The following FAM120A variants were observed in gnomAD, a reference collection of about 807,000 sequenced individuals.
FAM120A encodes the protein family with sequence similarity 120 member A, also known as constitutive coactivator of PPAR-gamma-like protein 1.
Under a neutral mutation model 109.7 loss-of-function variants are expected in FAM120A, and 15 were observed. The observed-to-expected ratio is 0.14, with a 90% CI of 0.09 to 0.21. The LOEUF (loss-of-function observed/expected upper bound fraction) is 0.21. FAM120A is among the 10% of genes least tolerant of loss of function. The probability of loss-of-function intolerance (pLI) is 1.00; values close to 1 mark genes in which losing one functional copy is unlikely to be tolerated. For missense variants in FAM120A, 899 were observed against 1,439.3 expected (o/e 0.62, Z 6.07); for synonymous variants, 493 against 572.8 (o/e 0.86, Z 1.99).
chr9:93,561,025 AAAG>A (rs1312031812), intron 15 of FAM120A, 81 bp from the exon 16 acceptor site: 11 of 1,491,586 alleles, frequency 7.4e-6, no homozygotes, highest in Non-Finnish European at 1.0e-5. Flanking sequence ...CCAAAACTGA[AAAG>A]AAGTTTCTTG....
chr9:93,510,342 C>T (rs4744251), intron 5 of FAM120A, among the ~76,000 whole-genome samples: 42,409 of 152,020 alleles, frequency 0.28, 6,966 homozygotes, highest in East Asian at 0.42. Context: ...GAACCTACAC[C>T]CTCCTTTGAG....
chr9:93,469,165 A>C (rs1193434437), intron 1 of FAM120A, among the ~76,000 whole-genome samples: 1 of 152,258 alleles, frequency 6.6e-6, no homozygotes, highest in African/African-American at 2.4e-5. Context: ...ACCGTGGGCC[A>C]GCAGCCCCTT....
intron 3 of FAM120A, among the ~76,000 whole-genome samples, chr9:93,486,523 CTTTTCTT>C (rs916899254): frequency 8.1e-5 from 12 of 148,578 alleles, no homozygotes; most frequent in African/African-American, 1.5e-4. Context: ...CTTTCTTTTT[CTTTTCTT>C]TTTTCTTTTT....
chr9:93,477,032 T>G (rs1858577992), intron 3 of FAM120A, among the ~76,000 whole-genome samples: 1 of 152,168 alleles, frequency 6.6e-6, no homozygotes, highest in Admixed American at 6.5e-5. Context: ...ATTTGTCAGT[T>G]CAAGTGCCTT....
intron 10 of FAM120A, among the ~76,000 whole-genome samples, chr9:93,534,712 G>A (rs1861450970): frequency 6.6e-6 from 1 of 152,194 alleles, no homozygotes; most frequent in African/African-American, 2.4e-5. Context: ...TTTAGTGGGG[G>A]AGAGGTGAGT....
intron 1 of FAM120A, among the ~76,000 whole-genome samples, chr9:93,457,706 A>G (rs1857612338): frequency 1.3e-5 from 2 of 152,212 alleles, no homozygotes; most frequent in Non-Finnish European, 2.9e-5. Context: ...AGCGAAGGAA[A>G]ACTTGGTTCT....
At chr9:93,552,897 ACTCTGTGGTTGGCCAT>A (rs1231956743) in intron 12 of FAM120A, among the ~76,000 whole-genome samples, 1 of 151,852 alleles carries the variant, frequency 6.6e-6, no homozygotes, top group Non-Finnish European at 1.5e-5. Flanking sequence ...TTTATCGTCC[ACTCTGTGGTTGGCCAT>A]CAGAGGAGGA....
At chr9:93,531,401 G>C (rs1861325990) in intron 9 of FAM120A, 1 of 152,206 alleles carries the variant, frequency 6.6e-6, no homozygotes, top group Non-Finnish European at 1.5e-5. Flanking sequence ...AAAATTTGTT[G>C]CATGATATCT....
chr9:93,560,873 C>A (rs1332791255), intron 15 of FAM120A, among the ~76,000 whole-genome samples: 1 of 152,196 alleles, frequency 6.6e-6, no homozygotes, highest in African/African-American at 2.4e-5. Context: ...ATCTAAAAAG[C>A]CTTGCACATT....
chr9:93,451,703 G>C lies in FAM120A; in HGVS notation c.-213G>C, dbSNP rs1857216510. Reference sequence around the variant, plus strand: ...CCTCGGCCTCGGCCTCGCAGCGGCGGCAGCGGCGGCGGCGGCAGGTCCCTC... The same window carrying C: ...CCTCGGCCTCGGCCTCGCAGCGGCGCCAGCGGCGGCGGCGGCAGGTCCCTC... On this transcript the variant is annotated 5_prime_UTR_variant, in exon 1 of 18. Coordinates refer to ENST00000277165, the MANE Select transcript of FAM120A (RefSeq NM_014612.5). 1 of 984,878 alleles carries C rather than the reference G, an allele frequency of 1.0e-6. No homozygotes were observed. The allele number at this position is 984,878 out of a possible 1,614,324, so 61.0% of individuals were successfully genotyped here.
In FAM120A at chr9:93,451,876, GC is replaced by G; in HGVS notation, c.-34del. The G allele has an allele frequency of 1.0e-6, 1 of 975,000 alleles. No homozygotes were observed. Among genetic ancestry groups the G allele is most frequent in the Non-Finnish European group, 1.3e-6 (1 of 790,552 alleles). 60.4% of individuals were successfully genotyped at this position (975,000 alleles called of 1,614,324 possible). A position where few individuals can be genotyped will look rare whatever the true frequency, so the allele number is the denominator to read the frequency against. On this transcript the variant is annotated 5_prime_UTR_variant, in exon 1 of 18. Transcript: ENST00000277165. ...CGGCCCCACCACCCCCGGCCCCGCC[GC>G]CCCCCGCCCGCACCCGCGCCCGCGC...
Position 93,539,550 on chromosome 9 carries a change from A to G in FAM120A, c.1910-3672A>G, listed in dbSNP as rs764912353. ...GAACATGTTGCTCTTCAAAACTACCAGTACGGAGTTCATTTTTATACTACC... is the reference window on the plus strand; with the variant it reads ...GAACATGTTGCTCTTCAAAACTACCGGTACGGAGTTCATTTTTATACTACC... On this transcript the variant is annotated intron_variant, in intron 10 of 17. Transcript: ENST00000277165. Among the ~76,000 whole-genome samples the G allele has an allele frequency of 2.6e-4, 39 of 152,356 alleles. 1 individual carries two copies. The highest frequency in any genetic ancestry group is 1.9e-4 in the East Asian group (1 of 5,186).
chr9:93,533,975 GT>G, intron 10 of FAM120A, among the ~76,000 whole-genome samples: 1 of 152,156 alleles, frequency 6.6e-6, no homozygotes, highest in Non-Finnish European at 1.5e-5. Flanking sequence ...GTGCTGTCCC[GT>G]GGAGTCAGAT....
chr9:93,541,101 G>T (rs1861683935), intron 10 of FAM120A, among the ~76,000 whole-genome samples: 1 of 151,240 alleles, frequency 6.6e-6, no homozygotes, highest in Admixed American at 6.6e-5. Context: ...GGTGGGGTTT[G>T]TTGGGGGATA....
In FAM120A at chr9:93,494,964, C is replaced by T. The variant is rs537607869; in HGVS notation, c.805-2507C>T. 3.9e-5 allele frequency among the ~76,000 whole-genome samples: 6 copies of T among 152,292 alleles called. No homozygotes were observed. The East Asian group carries it at 7.7e-4, about 20-fold the overall frequency. ...CGACTCCTCTTTTCTTCCCACTGTG[C>T]GTCATGAACGTGAAGGCCACCACAG... is the stretch of plus-strand genomic sequence containing the variant. On this transcript the variant is annotated intron_variant, in intron 3 of 17. Transcript: ENST00000277165.
Position 93,514,736 on chromosome 9 carries a change from C to T in FAM120A, c.1031-931C>T, listed in dbSNP as rs55654600. Among the ~76,000 whole-genome samples the T allele has an allele frequency of 5.3e-5, 8 of 152,280 alleles. No homozygotes were observed. The South Asian group carries it at 8.3e-4, about 16-fold the overall frequency. ...GGGCCCCAGTCGGTCCTTGTTACTG[C>T]GGGTCTTGTGCTGTCTCTGGAACAG... On this transcript the variant is annotated intron_variant, in intron 5 of 17. Coordinates refer to ENST00000277165, the MANE Select transcript of FAM120A (RefSeq NM_014612.5).
At position 93,532,315 on chromosome 9, in the gene FAM120A, G is replaced by T; in HGVS notation, c.1895G>T (p.Arg632Ile). 1 of 1,614,156 alleles carries T rather than the reference G, an allele frequency of 6.2e-7. No homozygotes were observed. Among genetic ancestry groups the T allele is most frequent in the Non-Finnish European group, 8.5e-7 (1 of 1,180,020 alleles). The change falls in exon 10 of 18, where the codon AGA becomes ATA. Residue 632 changes from arginine (R) to isoleucine (I), a missense_variant. By Grantham distance (97) the Arg-to-Ile change is moderately conservative. This residue lies in a region of FAM120A where 133 missense variants were observed against 276.6 expected (regional missense o/e 0.48). Coordinates refer to ENST00000277165, the MANE Select transcript of FAM120A (RefSeq NM_014612.5). The surrounding 1 kb of genome is among the most constrained non-coding windows in gnomAD (Gnocchi z 4.3). ...KTERLAFRKN[R>I]LPPEFSPVII... ...GAGAGACTTGCTTTTAGAAAGAACAGACTTCCACCAGAATGTATGTACTGT... is the reference window on the plus strand; with the variant it reads ...GAGAGACTTGCTTTTAGAAAGAACATACTTCCACCAGAATGTATGTACTGT...
chr9:93,558,396 G>A (rs117853614), intron 14 of FAM120A, among the ~76,000 whole-genome samples, 185 bp from the exon 15 acceptor site: 1,601 of 150,606 alleles, frequency 0.011, 12 homozygotes, highest in Non-Finnish European at 0.017. Flanking sequence ...CCACTGCAGG[G>A]AGGGTGGCCT....
At chr9:93,526,198 A>C (rs1467013172) in intron 7 of FAM120A, among the ~76,000 whole-genome samples, 1 of 152,204 alleles carries the variant, frequency 6.6e-6, no homozygotes, top group Non-Finnish European at 1.5e-5. Flanking sequence ...CACACTGTGC[A>C]CTGAGGTTCC....
Sources: allele counts gnomAD v4.1 joint callset (sites outside exome capture counted in the v4.1 genomes callset), GRCh38; gene constraint gnomAD v4.1.1; regional missense constraint gnomAD v4.1.1; non-coding constraint Gnocchi (gnomAD v3.1); transcripts MANE v1.5; gene names NCBI Gene and HGNC (gene_info 2026-07-23, HGNC 2026-07-21).